MMP16: variants seen among roughly 807,000 people sequenced by gnomAD.
MMP16 encodes matrix metalloproteinase-16.
Under a neutral mutation model 67.8 loss-of-function variants are expected in MMP16, and 12 were observed. The ratio of observed to expected loss-of-function variants is 0.18; its 90% CI spans 0.11 to 0.29. The LOEUF (loss-of-function observed/expected upper bound fraction) is 0.29, where lower values mean the gene tolerates loss of function less well. MMP16 is among the 10% of genes least tolerant of loss of function. MMP16 has a pLI of 1.00. For synonymous variants in MMP16, 249 were observed against 255.9 expected (o/e 0.97, Z 0.26); for missense variants, 475 against 765.7 (o/e 0.62, Z 4.48).
intron 1 of MMP16, among the ~76,000 whole-genome samples, chr8:88,239,994 C>T (rs529405088): frequency 6.6e-6 from 1 of 152,324 alleles, no homozygotes; most frequent in African/African-American, 2.4e-5. Flanking sequence ...TTTAATGCTG[C>T]CGGCCTTGAG....
At chr8:88,255,836 C>G (rs947162460) in intron 1 of MMP16, among the ~76,000 whole-genome samples, 2 of 152,198 alleles carry the variant, frequency 1.3e-5, no homozygotes, top group Non-Finnish European at 2.9e-5. Flanking sequence ...AGGCACATGG[C>G]TTGGGCAGGC....
At chr8:88,141,861 T>A (rs1808216585) in intron 4 of MMP16, among the ~76,000 whole-genome samples, 1 of 152,080 alleles carries the variant, frequency 6.6e-6, no homozygotes, top group Non-Finnish European at 1.5e-5. Flanking sequence ...AATAATTATG[T>A]GACTCTATTC....
rs557408528 is a variant in MMP16, at chr8:88,115,032, G to C, written c.1083+1475C>G. Reference sequence around the variant, plus strand: ...CGATCACTAGATATGAAGACACCAGGCTCCTCTGAAATCAGCAACCTACTT... The same window carrying C: ...CGATCACTAGATATGAAGACACCAGCCTCCTCTGAAATCAGCAACCTACTT... On this transcript the variant is annotated intron_variant, in intron 6 of 9. Coordinates refer to ENST00000286614, the MANE Select transcript of MMP16 (RefSeq NM_005941.5). Among the ~76,000 whole-genome samples the C allele has an allele frequency of 1.6e-4, 25 of 152,064 alleles. 1 individual carries two copies. The South Asian group carries it at 5.2e-3, about 32-fold the overall frequency.
intron 4 of MMP16, among the ~76,000 whole-genome samples, chr8:88,144,835 C>A (rs1682672635): frequency 6.6e-6 from 1 of 151,684 alleles, no homozygotes; most frequent in Admixed American, 6.6e-5. Flanking sequence ...TTTTTAAAAA[C>A]CTGTAAGTGG....
chr8:88,249,147 A>G lies in MMP16; in HGVS notation c.133-51841T>C, dbSNP rs28904597. Among the ~76,000 whole-genome samples, 32 of 152,158 alleles carry G rather than the reference A, an allele frequency of 2.1e-4. No individual in the cohort carries two copies. The East Asian group carries it at 6.0e-3, about 29-fold the overall frequency. ...AAAGGCAGACAAACCACCAAGATAC[A>G]TAAGAGAGCTAACGTTCAAAATGTC... On this transcript the variant is annotated intron_variant, in intron 1 of 9. Transcript: ENST00000286614.
At chr8:88,245,363 A>T (rs965614801) in intron 1 of MMP16, among the ~76,000 whole-genome samples, 1 of 152,198 alleles carries the variant, frequency 6.6e-6, no homozygotes, top group African/African-American at 2.4e-5. Context: ...AACATCAGAC[A>T]TTCTGAGTAT....
intron 1 of MMP16, among the ~76,000 whole-genome samples, chr8:88,243,146 G>C (rs540391489): frequency 5.3e-5 from 8 of 152,262 alleles, no homozygotes; most frequent in African/African-American, 1.7e-4. Context: ...CTCAGTTCCA[G>C]GCTTGAAGAT....
intron 1 of MMP16, among the ~76,000 whole-genome samples, chr8:88,312,093 G>T (rs1471382933): frequency 1.3e-5 from 2 of 152,168 alleles, no homozygotes; most frequent in Non-Finnish European, 2.9e-5. Flanking sequence ...AGACAGGGCA[G>T]ATCAGAACAT....
intron 1 of MMP16, among the ~76,000 whole-genome samples, chr8:88,203,460 T>C (rs1215764119): frequency 6.6e-6 from 1 of 152,088 alleles, no homozygotes; most frequent in Non-Finnish European, 1.5e-5. Flanking sequence ...AGCATAACTG[T>C]AGATTAAACC....
At chr8:88,322,813 GT>G (rs1451382760) in intron 1 of MMP16, among the ~76,000 whole-genome samples, 5 of 152,208 alleles carry the variant, frequency 3.3e-5, no homozygotes, top group Admixed American at 1.3e-4. Context: ...TCATGTAATG[GT>G]TTCATGAATA....
chr8:88,238,661 G>GT (rs1314800224), intron 1 of MMP16, among the ~76,000 whole-genome samples: 4 of 80,304 alleles, frequency 5.0e-5, no homozygotes, highest in African/African-American at 1.0e-4. Flanking sequence ...GCAAGACTCT[G>GT]TTAAAAAAAA....
chr8:88,185,276 C>T (rs1207383091), intron 3 of MMP16, among the ~76,000 whole-genome samples: 1 of 151,870 alleles, frequency 6.6e-6, no homozygotes, highest in Non-Finnish European at 1.5e-5. Context: ...CTGGCTAACA[C>T]GGGGAAATCC....
At chr8:88,222,959 T>A (rs1222108575) in intron 1 of MMP16, among the ~76,000 whole-genome samples, 1 of 152,164 alleles carries the variant, frequency 6.6e-6, no homozygotes, top group African/African-American at 2.4e-5. Flanking sequence ...GACAAAGGGC[T>A]AATATGCAGA....
At chr8:88,287,655 T>G (rs1212499697) in intron 1 of MMP16, among the ~76,000 whole-genome samples, 1 of 152,150 alleles carries the variant, frequency 6.6e-6, no homozygotes, top group Non-Finnish European at 1.5e-5. Flanking sequence ...ATGGATGAGT[T>G]GTAGGGGCCT....
rs114991008 is a variant in MMP16, at chr8:88,321,081, T to C, written c.132+5994A>G. Among the ~76,000 whole-genome samples, 686 of 152,298 alleles carry C rather than the reference T, an allele frequency of 4.5e-3. 8 individuals are homozygous for C. The highest frequency in any genetic ancestry group is 0.016 in the African/African-American group (656 of 41,554). ...TATATCATTACTTAGCATTCTGTCC[T>C]TTTAGTATGGAATTTTTTATTGTTC... is the stretch of plus-strand genomic sequence containing the variant. On this transcript the variant is annotated intron_variant, in intron 1 of 9. Coordinates refer to ENST00000286614, the MANE Select transcript of MMP16 (RefSeq NM_005941.5).
intron 3 of MMP16, among the ~76,000 whole-genome samples, chr8:88,175,805 G>T (rs542864070): frequency 1.3e-5 from 2 of 152,232 alleles, no homozygotes; most frequent in East Asian, 3.9e-4. Flanking sequence ...GAATCATGGG[G>T]TCAGGTTTTC....
intron 1 of MMP16, among the ~76,000 whole-genome samples, chr8:88,325,912 G>T (rs955562935): frequency 6.6e-6 from 1 of 151,986 alleles, no homozygotes; most frequent in African/African-American, 2.4e-5. Flanking sequence ...TTTACACATG[G>T]CATTTATTAT....
intron 1 of MMP16, among the ~76,000 whole-genome samples, chr8:88,325,423 C>A (rs1251270235): frequency 2.0e-5 from 3 of 152,072 alleles, no homozygotes; most frequent in African/African-American, 7.2e-5. Context: ...CACAACCTTG[C>A]ACTTACTTTT....
intron 1 of MMP16, among the ~76,000 whole-genome samples, chr8:88,223,508 C>T (rs1303922855): frequency 6.6e-6 from 1 of 151,858 alleles, no homozygotes; most frequent in Admixed American, 6.6e-5. Context: ...GAATACTATG[C>T]AGCCGTAAAA....
Sources: allele counts gnomAD v4.1 joint callset (sites outside exome capture counted in the v4.1 genomes callset), GRCh38; gene constraint gnomAD v4.1.1; transcripts MANE v1.5; gene names NCBI Gene and HGNC (gene_info 2026-07-23, HGNC 2026-07-21).